The following DPF3 variants were observed in gnomAD, a reference collection of about 807,000 sequenced individuals.
DPF3 encodes double PHD fingers 3, also known as zinc finger protein DPF3.
In DPF3, 18 loss-of-function variants were observed where a neutral mutation model predicts 56.8. That is an observed-to-expected ratio of 0.32 (90% CI 0.22 to 0.47). The LOEUF is 0.47. Among genes scored for constraint, DPF3 ranks in the 20% least tolerant of loss-of-function variants. The probability of loss-of-function intolerance (pLI) is 1.00; values close to 1 mark genes in which losing one functional copy is unlikely to be tolerated. For missense variants in DPF3, 403 were observed against 488.8 expected (o/e 0.82, Z 1.65); for synonymous variants, 188 against 180.2 (o/e 1.04, Z -0.35).
At chr14:72,629,401 A>G (rs546224563) in intron 9 of DPF3, among the ~76,000 whole-genome samples, 1 of 152,362 alleles carries the variant, frequency 6.6e-6, no homozygotes, top group Admixed American at 6.5e-5. Context: ...ATGAGATCAT[A>G]TACTGTGGAA....
chr14:72,882,671 C>T (rs752070767), intron 1 of DPF3, among the ~76,000 whole-genome samples: 3 of 152,114 alleles, frequency 2.0e-5, no homozygotes, highest in East Asian at 1.9e-4. Flanking sequence ...AGCGCTCCCA[C>T]GATAATAGAT....
At chr14:72,870,108 T>C (rs1885839540) in intron 1 of DPF3, among the ~76,000 whole-genome samples, 1 of 152,136 alleles carries the variant, frequency 6.6e-6, no homozygotes, top group Non-Finnish European at 1.5e-5. Context: ...GTTTGGAAGA[T>C]CTGGAGTTTG....
rs559148564 is a variant in DPF3, at chr14:72,821,022, T to G, written c.33-49129A>C. Among the ~76,000 whole-genome samples the G allele has an allele frequency of 1.5e-4, 23 of 151,584 alleles. 1 individual carries two copies. The highest frequency in any genetic ancestry group is 1.4e-3 in the Admixed American group (21 of 15,210). ...TGGCACATATGTTTGTAATCCCAGCTGCTTGGGAGGCTGAGGCATGAAAAT... is the reference window on the plus strand; with the variant it reads ...TGGCACATATGTTTGTAATCCCAGCGGCTTGGGAGGCTGAGGCATGAAAAT... On this transcript the variant is annotated intron_variant, in intron 1 of 10. Coordinates refer to ENST00000556509, the MANE Select transcript of DPF3 (RefSeq NM_001280542.3).
intron 1 of DPF3, among the ~76,000 whole-genome samples, chr14:72,808,338 A>G (rs904400395): frequency 2.0e-5 from 3 of 152,242 alleles, no homozygotes; most frequent in African/African-American, 7.2e-5. Flanking sequence ...GGGAGCAGGG[A>G]CAGGGAAGAA....
At chr14:72,669,496 T>C (rs1261571741) in intron 8 of DPF3, among the ~76,000 whole-genome samples, 2 of 152,180 alleles carry the variant, frequency 1.3e-5, no homozygotes, top group Admixed American at 1.3e-4. Flanking sequence ...GTTTTGAAAT[T>C]GGTACCGAGA....
intron 1 of DPF3, among the ~76,000 whole-genome samples, chr14:72,804,212 C>CAA (rs1238493638): frequency 9.2e-5 from 14 of 151,804 alleles, no homozygotes; most frequent in Admixed American, 8.6e-4. Context: ...CACACACACA[C>CAA]ACACACACAC....
intron 1 of DPF3, among the ~76,000 whole-genome samples, chr14:72,861,787 G>GAAAGAAAGAA (rs1885443710): frequency 6.7e-6 from 1 of 149,620 alleles, no homozygotes; most frequent in Non-Finnish European, 1.5e-5. Flanking sequence ...AAGAAAGAAA[G>GAAAGAAAGAA]AAAGAAAGAA....
intron 1 of DPF3, among the ~76,000 whole-genome samples, chr14:72,840,215 C>A (rs148769527): frequency 6.6e-6 from 1 of 152,274 alleles, no homozygotes; most frequent in Non-Finnish European, 1.5e-5. Flanking sequence ...GAGGGTAAAG[C>A]CTGCAGCCGT....
chr14:72,797,883 C>T (rs937394946), intron 1 of DPF3, among the ~76,000 whole-genome samples: 1 of 152,010 alleles, frequency 6.6e-6, no homozygotes, highest in Non-Finnish European at 1.5e-5. Context: ...AAAAAATTAC[C>T]CTTCCCTGTC....
intron 8 of DPF3, among the ~76,000 whole-genome samples, chr14:72,634,312 C>T (rs1885323546): frequency 6.6e-6 from 1 of 152,164 alleles, no homozygotes; most frequent in Non-Finnish European, 1.5e-5. Flanking sequence ...GCGCCTTTCT[C>T]CAAAAACTGC....
intron 1 of DPF3, among the ~76,000 whole-genome samples, chr14:72,843,531 T>C (rs751593120): frequency 2.0e-4 from 31 of 152,194 alleles, no homozygotes; most frequent in African/African-American, 6.3e-4. Context: ...ATATTTATCA[T>C]AGCTGCTAAC....
intron 1 of DPF3, among the ~76,000 whole-genome samples, chr14:72,843,269 A>G (rs1884623005): frequency 6.6e-6 from 1 of 152,200 alleles, no homozygotes. Context: ...ACCCCAGGTA[A>G]TTAGTCCAAC....
intron 1 of DPF3, among the ~76,000 whole-genome samples, chr14:72,798,909 C>T (rs1246694933): frequency 6.6e-6 from 1 of 152,232 alleles, no homozygotes; most frequent in African/African-American, 2.4e-5. Context: ...ACTGCCCTCT[C>T]CTAAAGCTCC....
chr14:72,826,913 G>A (rs1205979731), intron 1 of DPF3, among the ~76,000 whole-genome samples: 2 of 152,006 alleles, frequency 1.3e-5, no homozygotes, highest in Admixed American at 6.5e-5. Flanking sequence ...ATGGTGGCGC[G>A]TGCCTGTAGT....
chr14:72,880,564 T>C (rs1886287566), intron 1 of DPF3, among the ~76,000 whole-genome samples: 4 of 152,170 alleles, frequency 2.6e-5, no homozygotes, highest in African/African-American at 9.7e-5. Flanking sequence ...AGGCATTGTT[T>C]TTTGTTTTTT....
At chr14:72,672,054 CACACAG>C (rs1391990970) in intron 8 of DPF3, among the ~76,000 whole-genome samples, 11 of 120,150 alleles carry the variant, frequency 9.2e-5, no homozygotes, top group African/African-American at 2.7e-4. Flanking sequence ...CACACACACA[CACACAG>C]ACACACACAC....
At chr14:72,747,497 G>A (rs1377495047) in intron 3 of DPF3, among the ~76,000 whole-genome samples, 1 of 152,006 alleles carries the variant, frequency 6.6e-6, no homozygotes, top group Non-Finnish European at 1.5e-5. Flanking sequence ...TAAAGGTACA[G>A]AGAGACTGGC....
chr14:72,741,044 T>C (rs1296894973), intron 3 of DPF3, among the ~76,000 whole-genome samples: 1 of 151,940 alleles, frequency 6.6e-6, no homozygotes, highest in East Asian at 1.9e-4. Context: ...TCTCTAAAAA[T>C]AAATAAATAA....
At chr14:72,714,755 C>CA (rs1258387846) in intron 5 of DPF3, among the ~76,000 whole-genome samples, 1 of 152,156 alleles carries the variant, frequency 6.6e-6, no homozygotes, top group Non-Finnish European at 1.5e-5. Flanking sequence ...CCCCATTTTA[C>CA]AAACCAAAGG....
Sources: gnomAD v4.1 joint callset for allele counts (sites outside exome capture counted in the v4.1 genomes callset) on GRCh38, gnomAD v4.1.1 for gene constraint, MANE v1.5 for transcripts, NCBI Gene and HGNC (gene_info 2026-07-23, HGNC 2026-07-21) for gene names.